Variants in NAALADL2 observed in about 807,000 individuals in gnomAD.
NAALADL2 encodes the protein N-acetylated alpha-linked acidic dipeptidase like 2, also known as inactive N-acetylated-alpha-linked acidic dipeptidase-like protein 2.
In NAALADL2, 76 loss-of-function variants were observed where a neutral mutation model predicts 87.2. The observed-to-expected ratio is 0.87, with a 90% CI of 0.72 to 1.05. The LOEUF is 1.05. NAALADL2 is among the 50% of genes least tolerant of loss of function. The probability of loss-of-function intolerance (pLI) is 0.00; values close to 1 mark genes in which losing one functional copy is unlikely to be tolerated. For synonymous variants in NAALADL2, 354 were observed against 331.0 expected, an observed-to-expected ratio of 1.07 and a Z score of -0.75; for missense variants, 1,089 against 945.8, an observed-to-expected ratio of 1.15 and a Z score of -1.99.
At chr3:174,912,479 T>G (rs1450446382) in intron 1 of NAALADL2, among the ~76,000 whole-genome samples, 1 of 152,152 alleles carries the variant, frequency 6.6e-6, no homozygotes, top group East Asian at 1.9e-4. Flanking sequence ...TAGCTAAATG[T>G]TTCATTGGAA....
In NAALADL2 at chr3:174,760,151, T is replaced by C. The variant is rs1712725176; in HGVS notation, c.-9+22405T>C. On this transcript the variant is annotated intron_variant, in intron 3 of 3. Transcript: ENST00000434257. ...CAAGGAAACTGATTGTCTGAAGTAT[T>C]AAGCAGCAAAAAAACAGTGGAAGAG... is the stretch of plus-strand genomic sequence containing the variant. Among the ~76,000 whole-genome samples, 7 of 152,118 alleles carry C rather than the reference T, an allele frequency of 4.6e-5. No individual in the cohort carries two copies. The South Asian group carries it at 1.4e-3, about 32-fold the overall frequency.
intron 1 of NAALADL2, among the ~76,000 whole-genome samples, chr3:174,939,252 G>C (rs139567182): frequency 0.015 from 2,258 of 151,838 alleles, 32 homozygotes; most frequent in South Asian, 0.031. Flanking sequence ...CCATTTATTG[G>C]TTGAATAAAG....
chr3:175,452,813 T>A (rs896037596), intron 6 of NAALADL2, among the ~76,000 whole-genome samples: 3 of 152,156 alleles, frequency 2.0e-5, no homozygotes, highest in African/African-American at 4.8e-5. Context: ...TTTGAAGGAC[T>A]GTTCATCAGG....
At chr3:174,765,959 C>G (rs1283216060) in intron 3 of NAALADL2, among the ~76,000 whole-genome samples, 1 of 152,140 alleles carries the variant, frequency 6.6e-6, no homozygotes. Context: ...ACACAAAACC[C>G]TTGGAAACAG....
chr3:174,486,041 A>G (rs1466804520), intron 1 of NAALADL2, among the ~76,000 whole-genome samples: 1 of 151,990 alleles, frequency 6.6e-6, no homozygotes, highest in Non-Finnish European at 1.5e-5. Flanking sequence ...CAGCAGTCCC[A>G]TTACTGGGTA....
chr3:175,206,141 G>A (rs1342967933), intron 2 of NAALADL2, among the ~76,000 whole-genome samples: 9 of 150,898 alleles, frequency 6.0e-5, no homozygotes, highest in African/African-American at 2.2e-4. Flanking sequence ...TAAGATACTT[G>A]CACATGCATG....
Position 174,648,464 on chromosome 3 carries a change from G to A in NAALADL2, c.-114-89177G>A, listed in dbSNP as rs530727323. 2.4e-3 allele frequency among the ~76,000 whole-genome samples: 371 copies of A among 152,194 alleles called. 1 individual carries two copies. Among genetic ancestry groups the A allele is most frequent in the African/African-American group, 8.5e-3 (354 of 41,538 alleles). ...CAGTTCTTAGAACATATCCTCTGCA[G>A]ATATGGGAGGGGGCTACTGTAAACA... is the stretch of plus-strand genomic sequence containing the variant. On this transcript the variant is annotated intron_variant, in intron 2 of 3. Transcript: ENST00000434257.
chr3:174,908,762 A>G (rs958688148), intron 1 of NAALADL2, among the ~76,000 whole-genome samples: 1 of 152,152 alleles, frequency 6.6e-6, no homozygotes, highest in Non-Finnish European at 1.5e-5. Context: ...TTCAAACAAG[A>G]TTAAAAATTA....
At chr3:175,026,244 T>C (rs1373291258) in intron 1 of NAALADL2, among the ~76,000 whole-genome samples, 1 of 152,048 alleles carries the variant, frequency 6.6e-6, no homozygotes, top group Admixed American at 6.6e-5. Flanking sequence ...AATACACATG[T>C]CTAGGCATAT....
At chr3:174,855,895 T>C (rs1265442856), upstream of NAALADL2, among the ~76,000 whole-genome samples, 11 of 140,690 alleles carry the variant, frequency 7.8e-5, no homozygotes, top group Admixed American at 1.4e-4. Flanking sequence ...TGAATATATA[T>C]ACACATAGAT....
At chr3:175,435,950 C>G (rs1718578020) in intron 5 of NAALADL2, among the ~76,000 whole-genome samples, 2 of 148,476 alleles carry the variant, frequency 1.3e-5, no homozygotes, top group African/African-American at 5.0e-5. Context: ...CCTGCACCCA[C>G]TAACTCGTCA....
At chr3:175,088,147 G>T (rs1183309154) in intron 1 of NAALADL2, among the ~76,000 whole-genome samples, 5 of 152,056 alleles carry the variant, frequency 3.3e-5, no homozygotes, top group Admixed American at 2.0e-4. Context: ...ATCGTATAAT[G>T]GTAGTATTTT....
chr3:175,578,970 T>G (rs1247685628), intron 10 of NAALADL2, among the ~76,000 whole-genome samples: 9 of 152,224 alleles, frequency 5.9e-5, no homozygotes, highest in Non-Finnish European at 1.0e-4. Flanking sequence ...GTCAAATGTT[T>G]CACCAGACTT....
At chr3:175,344,988 G>T (rs1257619841) in intron 5 of NAALADL2, among the ~76,000 whole-genome samples, 1 of 152,022 alleles carries the variant, frequency 6.6e-6, no homozygotes, top group Non-Finnish European at 1.5e-5. Context: ...TAACATATTA[G>T]TACCCCAAAT....
chr3:174,914,190 G>A (rs953284757), intron 1 of NAALADL2, among the ~76,000 whole-genome samples: 2 of 151,746 alleles, frequency 1.3e-5, no homozygotes, highest in South Asian at 2.1e-4. Context: ...AGCCTCCCGA[G>A]TAGTTGGGAT....
chr3:175,776,660 G>A (rs1750286048), intron 13 of NAALADL2, among the ~76,000 whole-genome samples: 1 of 151,926 alleles, frequency 6.6e-6, no homozygotes, highest in South Asian at 2.1e-4. Flanking sequence ...TCCCAATTTT[G>A]CTTAATAAAA....
chr3:175,515,952 C>G (rs1373402283), intron 9 of NAALADL2, among the ~76,000 whole-genome samples: 1 of 152,168 alleles, frequency 6.6e-6, no homozygotes, highest in Non-Finnish European at 1.5e-5. Context: ...ACATCTTTCA[C>G]TTCAAAATCC....
intron 2 of NAALADL2, among the ~76,000 whole-genome samples, chr3:174,555,226 A>G (rs952254915): frequency 6.6e-6 from 1 of 152,196 alleles, no homozygotes; most frequent in African/African-American, 2.4e-5. Context: ...GCAAAAAGAG[A>G]AAAGCATAAC....
intron 10 of NAALADL2, among the ~76,000 whole-genome samples, chr3:175,588,663 T>C (rs1450397210): frequency 1.3e-5 from 2 of 149,426 alleles, no homozygotes; most frequent in African/African-American, 4.9e-5. Flanking sequence ...CTCAGCCTCC[T>C]GAGTAGCTGG....
Sources: gnomAD v4.1 joint callset for allele counts (sites outside exome capture counted in the v4.1 genomes callset) on GRCh38, gnomAD v4.1.1 for gene constraint, MANE v1.5 for transcripts, NCBI Gene and HGNC (gene_info 2026-07-23, HGNC 2026-07-21) for gene names.